Variants in ZFPM2 observed in about 807,000 individuals in gnomAD.
ZFPM2 encodes the protein zinc finger protein, FOG family member 2, also known as zinc finger protein ZFPM2.
Under a neutral mutation model 98.6 loss-of-function variants are expected in ZFPM2, and 20 were observed. The ratio of observed to expected loss-of-function variants is 0.20; its 90% CI spans 0.14 to 0.29. The LOEUF is 0.29. Ranked by LOEUF, ZFPM2 falls within the 10% of genes least tolerant of loss-of-function variation. ZFPM2 has a pLI of 1.00. For missense variants in ZFPM2, 1,310 were observed against 1,388.6 expected (o/e 0.94, Z 0.90); for synonymous variants, 518 against 502.7 (o/e 1.03, Z -0.41).
chr8:105,560,949 C>T (rs956548489), intron 3 of ZFPM2, among the ~76,000 whole-genome samples: 3 of 152,128 alleles, frequency 2.0e-5, no homozygotes, highest in Non-Finnish European at 2.9e-5. Flanking sequence ...TTACCAAGTA[C>T]TTCAAAAACT....
intron 3 of ZFPM2, among the ~76,000 whole-genome samples, chr8:105,510,854 C>T (rs1813803668): frequency 6.6e-6 from 1 of 152,186 alleles, no homozygotes; most frequent in Non-Finnish European, 1.5e-5. Context: ...CTTCATATTC[C>T]ACAAAGAGTG....
intron 3 of ZFPM2, among the ~76,000 whole-genome samples, chr8:105,523,060 A>C (rs1283710597): frequency 6.6e-6 from 1 of 152,222 alleles, no homozygotes; most frequent in African/African-American, 2.4e-5. Context: ...ACTTTGAGCA[A>C]ATTAGTTTTA....
At chr8:105,488,635 G>A (rs148078882) in intron 3 of ZFPM2, among the ~76,000 whole-genome samples, 2,916 of 152,028 alleles carry the variant, frequency 0.019, 93 homozygotes, top group African/African-American at 0.066. Context: ...ATGGTGGTGC[G>A]CGCCTGTAGT....
intron 5 of ZFPM2, among the ~76,000 whole-genome samples, chr8:105,702,796 T>G (rs901498031): frequency 1.3e-5 from 2 of 152,158 alleles, no homozygotes; most frequent in African/African-American, 4.8e-5. Context: ...TTGCTCTCAG[T>G]TTTGACAACC....
chr8:105,390,841 T>C (rs1426018691), intron 1 of ZFPM2, among the ~76,000 whole-genome samples: 1 of 152,200 alleles, frequency 6.6e-6, no homozygotes, highest in Non-Finnish European at 1.5e-5. Flanking sequence ...AAATTGATCC[T>C]AGATTGGAAA....
Position 105,468,278 on chromosome 8 carries a change from C to G in ZFPM2, c.301+23897C>G, listed in dbSNP as rs540334776. ...ATTTTCTCTCTTTGCTCTTAGAGTT[C>G]CTCCTTCTCTGCTCCCAAATTGCAC... On this transcript the variant is annotated intron_variant, in intron 3 of 7. Coordinates refer to ENST00000407775, the MANE Select transcript of ZFPM2 (RefSeq NM_012082.4). 1.2e-4 allele frequency among the ~76,000 whole-genome samples: 18 copies of G among 152,116 alleles called. No individual in the cohort carries two copies. In the South Asian group the frequency reaches 3.5e-3, roughly 30 times the overall value.
chr8:105,670,184 G>A (rs1383154813), intron 5 of ZFPM2: 1 of 152,050 alleles, frequency 6.6e-6, no homozygotes, highest in African/African-American at 2.4e-5. Flanking sequence ...GAACATCCAT[G>A]GACCCACCAC....
chr8:105,543,894 A>G (rs1242999792), intron 3 of ZFPM2, among the ~76,000 whole-genome samples: 2 of 152,198 alleles, frequency 1.3e-5, no homozygotes, highest in African/African-American at 2.4e-5. Flanking sequence ...CGTTGACATT[A>G]GTCAGGCATG....
chr8:105,434,032 T>TA (rs1812072402), intron 2 of ZFPM2, among the ~76,000 whole-genome samples: 1 of 152,142 alleles, frequency 6.6e-6, no homozygotes, highest in Admixed American at 6.6e-5. Context: ...CATGCATTTT[T>TA]AAAAAATAAT....
chr8:105,481,434 G>GCCTTT (rs1813115696), intron 3 of ZFPM2, among the ~76,000 whole-genome samples: 1 of 152,070 alleles, frequency 6.6e-6, no homozygotes, highest in Non-Finnish European at 1.5e-5. Flanking sequence ...TGCACACGTG[G>GCCTTT]CCTTTTCTGT....
rs1463537632 is a variant in ZFPM2, at chr8:105,804,271, G to A, written c.*733G>A. ...TTAAATGCAATACTTTATAAAGAAT[G>A]AACAAAATTACTGGAAGCAGTATTG... On this transcript the variant is annotated 3_prime_UTR_variant, in exon 8 of 8. Coordinates refer to ENST00000407775, the MANE Select transcript of ZFPM2 (RefSeq NM_012082.4). 4 of 152,548 alleles carry A rather than the reference G, an allele frequency of 2.6e-5. No homozygotes were observed. The highest frequency in any genetic ancestry group is 5.9e-5 in the Non-Finnish European group (4 of 68,030). The allele number at this position is 152,548 out of a possible 1,614,324, so 9.4% of individuals were successfully genotyped here.
At chr8:105,495,950 C>A (rs1813457617) in intron 3 of ZFPM2, among the ~76,000 whole-genome samples, 1 of 152,054 alleles carries the variant, frequency 6.6e-6, no homozygotes, top group Non-Finnish European at 1.5e-5. Context: ...AGAGAGTTCC[C>A]ATACTTTATA....
At chr8:105,319,745 C>T (rs1288652527) in intron 1 of ZFPM2, 2 of 152,266 alleles carry the variant, frequency 1.3e-5, no homozygotes, top group African/African-American at 4.8e-5. Context: ...CACTTCCCAG[C>T]GCGGAAGCTG....
chr8:105,703,683 G>C (rs544864968), intron 5 of ZFPM2, among the ~76,000 whole-genome samples: 6 of 152,106 alleles, frequency 3.9e-5, no homozygotes, highest in Admixed American at 3.3e-4. Context: ...GTTTCTCTTG[G>C]TTTTCCTAAA....
At chr8:105,615,109 T>C (rs1339619233) in intron 4 of ZFPM2, among the ~76,000 whole-genome samples, 2 of 152,034 alleles carry the variant, frequency 1.3e-5, no homozygotes, top group Admixed American at 6.6e-5. Context: ...CACTGAGTGC[T>C]TATGGAGGGA....
chr8:105,741,602 G>A (rs1812216960), intron 5 of ZFPM2, among the ~76,000 whole-genome samples: 1 of 152,080 alleles, frequency 6.6e-6, no homozygotes, highest in Non-Finnish European at 1.5e-5. Context: ...GTTGATGTGG[G>A]AGTGGAAACT....
intron 2 of ZFPM2, among the ~76,000 whole-genome samples, chr8:105,443,329 A>AAAAAAC (rs2130209779): frequency 6.9e-6 from 1 of 144,980 alleles, no homozygotes; most frequent in South Asian, 2.1e-4. Flanking sequence ...CAAAAAACAA[A>AAAAAAC]AAAAAAAAAA....
At chr8:105,681,544 A>G (rs1810601396) in intron 5 of ZFPM2, among the ~76,000 whole-genome samples, 1 of 152,010 alleles carries the variant, frequency 6.6e-6, no homozygotes, top group Non-Finnish European at 1.5e-5. Context: ...CCTTTAATTT[A>G]CTCATCTTTA....
At position 105,540,672 on chromosome 8, in the gene ZFPM2, G is replaced by A. The variant is rs140848447; in HGVS notation, c.302-20691G>A. 2.3e-4 allele frequency among the ~76,000 whole-genome samples: 35 copies of A among 152,144 alleles called. No individual in the cohort carries two copies. The East Asian group carries it at 5.0e-3, about 22-fold the overall frequency. On this transcript the variant is annotated intron_variant, in intron 3 of 7. Coordinates refer to ENST00000407775, the MANE Select transcript of ZFPM2 (RefSeq NM_012082.4). ...CCACTTAAAACAAACTATGTTGCAC[G>A]TATTTTCGTGTTTAAGTGTTAAAGT...
Sources: allele counts gnomAD v4.1 joint callset (sites outside exome capture counted in the v4.1 genomes callset), GRCh38; gene constraint gnomAD v4.1.1; transcripts MANE v1.5; gene names NCBI Gene and HGNC (gene_info 2026-07-23, HGNC 2026-07-21).